RNF150: variants seen among roughly 807,000 people sequenced by gnomAD.
RNF150 encodes the protein ring finger protein 150.
RNF150 carries 24 observed loss-of-function variants against 39.3 expected under a neutral mutation model. The ratio of observed to expected loss-of-function variants is 0.61; its 90% CI spans 0.44 to 0.86. RNF150 has a LOEUF of 0.86. RNF150 is among the 40% of genes least tolerant of loss of function. The pLI is 0.00. For synonymous variants in RNF150, 255 were observed against 227.3 expected, an observed-to-expected ratio of 1.12 and a Z score of -1.10; for missense variants, 502 against 587.8, an observed-to-expected ratio of 0.85 and a Z score of 1.51.
intron 1 of RNF150, among the ~76,000 whole-genome samples, chr4:141,128,211 G>A (rs1336648282): frequency 6.6e-6 from 1 of 152,104 alleles, no homozygotes; most frequent in African/African-American, 2.4e-5. Context: ...GCTTAGAAGG[G>A]CTAACATTTT....
intron 1 of RNF150, among the ~76,000 whole-genome samples, chr4:141,166,643 G>A (rs544007653): frequency 9.1e-4 from 139 of 152,220 alleles, no homozygotes; most frequent in African/African-American, 3.2e-3. Context: ...TTCAACATAT[G>A]CAAATGAATA....
intron 5 of RNF150, among the ~76,000 whole-genome samples, chr4:140,917,236 G>T (rs1730871844): frequency 6.6e-6 from 1 of 152,078 alleles, no homozygotes; most frequent in African/African-American, 2.4e-5. Flanking sequence ...CAGTTGAAAG[G>T]CACAGACTGG....
chr4:140,996,562 T>G (rs1469765245), intron 1 of RNF150, among the ~76,000 whole-genome samples: 2 of 152,228 alleles, frequency 1.3e-5, no homozygotes, highest in Admixed American at 6.5e-5. Context: ...GAATCATAAC[T>G]GCTCTGGCTA....
chr4:141,147,546 C>A (rs1180026668), intron 1 of RNF150, among the ~76,000 whole-genome samples: 1 of 152,206 alleles, frequency 6.6e-6, no homozygotes, highest in African/African-American at 2.4e-5. Flanking sequence ...TTTAGTGTAT[C>A]TCTATGTACA....
intron 1 of RNF150, among the ~76,000 whole-genome samples, chr4:141,079,490 G>A (rs371413772): frequency 6.6e-5 from 10 of 152,108 alleles, no homozygotes; most frequent in East Asian, 1.9e-4. Flanking sequence ...GACCCTGGGC[G>A]AGTTACTTAG....
chr4:141,065,830 C>T (rs1464597561), intron 1 of RNF150, among the ~76,000 whole-genome samples: 1 of 152,006 alleles, frequency 6.6e-6, no homozygotes, highest in African/African-American at 2.4e-5. Context: ...TGTCTACCCA[C>T]ACACTCATGG....
intron 1 of RNF150, among the ~76,000 whole-genome samples, chr4:141,205,434 G>T (rs1289962765): frequency 6.6e-6 from 1 of 152,144 alleles, no homozygotes; most frequent in Admixed American, 6.5e-5. Flanking sequence ...TGAGAATTGG[G>T]TTTGGAAAGG....
intron 1 of RNF150, among the ~76,000 whole-genome samples, chr4:141,027,775 G>A (rs1294845310): frequency 6.6e-6 from 1 of 152,106 alleles, no homozygotes; most frequent in Non-Finnish European, 1.5e-5. Context: ...GTGCAGAGTA[G>A]CCCTGGATTG....
At chr4:140,943,024 T>C (rs1732149247) in intron 4 of RNF150, among the ~76,000 whole-genome samples, 2 of 152,122 alleles carry the variant, frequency 1.3e-5, no homozygotes, top group African/African-American at 4.8e-5. Flanking sequence ...TCAAAGGATA[T>C]TAAAAAATAA....
At chr4:141,075,551 T>C (rs1364687814) in intron 1 of RNF150, among the ~76,000 whole-genome samples, 1 of 152,252 alleles carries the variant, frequency 6.6e-6, no homozygotes, top group Non-Finnish European at 1.5e-5. Context: ...CTGAATTATT[T>C]ATCATAAATT....
rs566076648 is a variant in RNF150 at position 141,047,016 on chromosome 4, C to T, written c.485-79143G>A. Among the ~76,000 whole-genome samples the T allele has an allele frequency of 7.2e-5, 11 of 152,102 alleles. No individual in the cohort carries two copies. The South Asian group carries it at 1.0e-3, about 14-fold the overall frequency. Reference sequence around the variant, plus strand: ...TCCAGTCCAAAACTTCTCAGGCTCACGAATAGAAATTTAAATCTATTATGA... The same window carrying T: ...TCCAGTCCAAAACTTCTCAGGCTCATGAATAGAAATTTAAATCTATTATGA... On this transcript the variant is annotated intron_variant, in intron 1 of 6. Coordinates refer to ENST00000515673, the MANE Select transcript of RNF150 (RefSeq NM_020724.2).
At chr4:141,060,700 T>C (rs530282202) in intron 1 of RNF150, among the ~76,000 whole-genome samples, 28 of 152,336 alleles carry the variant, frequency 1.8e-4, no homozygotes, top group African/African-American at 6.3e-4. Context: ...TGCATGTTTA[T>C]TGCAGCACTA....
At chr4:141,138,565 G>A (rs1727064774) in intron 1 of RNF150, among the ~76,000 whole-genome samples, 1 of 152,066 alleles carries the variant, frequency 6.6e-6, no homozygotes, top group Non-Finnish European at 1.5e-5. Flanking sequence ...GTGACATTTA[G>A]TTTCATATAT....
chr4:140,888,388 T>C (rs139449421), intron 6 of RNF150, among the ~76,000 whole-genome samples: 5 of 152,338 alleles, frequency 3.3e-5, no homozygotes, highest in African/African-American at 1.2e-4. Context: ...ATGGATTTTA[T>C]CTAAAGCATA....
At chr4:140,931,579 T>C (rs1731638222) in intron 4 of RNF150, among the ~76,000 whole-genome samples, 1 of 152,214 alleles carries the variant, frequency 6.6e-6, no homozygotes, top group Non-Finnish European at 1.5e-5. Flanking sequence ...ATCTCATCTT[T>C]TTTATAGGAT....
rs904992917 is a variant in RNF150 at position 140,863,237 on chromosome 4, G to C, written c.*5024C>G. Reference sequence around the variant, plus strand: ...GAATGAGGAGGGTCAAATGCTGAGGGTGGGAGAAAGCAGATCTAGACAGCA... The same window carrying C: ...GAATGAGGAGGGTCAAATGCTGAGGCTGGGAGAAAGCAGATCTAGACAGCA... On this transcript the variant is annotated 3_prime_UTR_variant, in exon 7 of 7. Coordinates refer to ENST00000515673, the MANE Select transcript of RNF150 (RefSeq NM_020724.2). The C allele has an allele frequency of 6.6e-6, 1 of 152,154 alleles. No homozygotes were observed. 9.4% of individuals were successfully genotyped at this position (152,154 alleles called of 1,614,324 possible).
intron 6 of RNF150, among the ~76,000 whole-genome samples, chr4:140,903,183 C>A (rs1205269073): frequency 6.6e-6 from 1 of 152,156 alleles, no homozygotes; most frequent in Non-Finnish European, 1.5e-5. Flanking sequence ...GGAGGCCAAA[C>A]CAGGACTAAG....
chr4:141,027,933 T>TTTTTTTTTC (rs1735779466), intron 1 of RNF150, among the ~76,000 whole-genome samples: 1 of 127,790 alleles, frequency 7.8e-6, no homozygotes, highest in Non-Finnish European at 1.7e-5. Context: ...TTTGTTTTTT[T>TTTTTTTTTC]TTTTTTTTTT....
chr4:140,911,136 G>C lies in RNF150; in HGVS notation c.1198+8C>G, dbSNP rs1560960784. The C allele has an allele frequency of 6.2e-7, 1 of 1,607,852 alleles. No individual in the cohort carries two copies. Among genetic ancestry groups the C allele is most frequent in the East Asian group, 2.2e-5 (1 of 44,866 alleles). On this transcript the variant is annotated splice_region_variant and intron_variant, in intron 6 of 6. Transcript: ENST00000515673. The stretch of plus-strand genomic sequence containing the variant: ...TGGCTATGTCACTTTAAGTATGGCA[G>C]AACTCACTGTTAGTAGTAAAGATGA...
Sources: allele counts gnomAD v4.1 joint callset (sites outside exome capture counted in the v4.1 genomes callset), GRCh38; gene constraint gnomAD v4.1.1; transcripts MANE v1.5; gene names NCBI Gene and HGNC (gene_info 2026-07-23, HGNC 2026-07-21).